The following GSDME variants were observed in gnomAD, a reference collection of about 807,000 sequenced individuals.
The protein encoded by GSDME is gasdermin-E.
GSDME carries 44 observed loss-of-function variants against 47.5 expected under a neutral mutation model. That is an observed-to-expected ratio of 0.93 (90% CI 0.73 to 1.19). GSDME has a LOEUF of 1.19. Among genes scored for constraint, GSDME ranks in the 50% most tolerant of loss-of-function variants. The pLI is 0.00. For synonymous variants in GSDME, 258 were observed against 252.8 expected (o/e 1.02, Z -0.20); for missense variants, 663 against 604.2 (o/e 1.10, Z -1.02).
rs181810957 is a variant in GSDME at position 24,719,383 on chromosome 7, A to T, written c.405-165T>A. Among the ~76,000 whole-genome samples, 13 of 152,146 alleles carry T rather than the reference A, an allele frequency of 8.5e-5. No individual in the cohort carries two copies. The East Asian group carries it at 2.3e-3, about 27-fold the overall frequency. ...TGGCAGGTCACCTGGAAAGACATAA[A>T]CCAAACTCTCTTGAGGCCACCTCAG... is the stretch of plus-strand genomic sequence containing the variant. On this transcript the variant is annotated intron_variant, in intron 3 of 9. Coordinates refer to ENST00000645220, the MANE Select transcript of GSDME (RefSeq NM_001127453.2).
At chr7:24,741,399 T>C (rs1362561502) in intron 3 of GSDME, among the ~76,000 whole-genome samples, 2 of 151,896 alleles carry the variant, frequency 1.3e-5, no homozygotes, top group Non-Finnish European at 2.9e-5. Flanking sequence ...AAAAAAAGTA[T>C]GTGACATATC....
In GSDME at chr7:24,703,022, T is replaced by C. The variant is rs556231624; in HGVS notation, c.1184-189A>G. The C allele has an allele frequency of 7.7e-5, 42 of 546,674 alleles. No homozygotes were observed. In the African/African-American group the frequency reaches 7.9e-4, roughly 10 times the overall value. The allele number at this position is 546,674 out of a possible 1,614,324, so 33.9% of individuals were successfully genotyped here. A position where few individuals can be genotyped will look rare whatever the true frequency, so the allele number is the denominator to read the frequency against. On this transcript the variant is annotated intron_variant, in intron 8 of 9. Transcript: ENST00000645220. ...CAGCAAAGACCTTGTAGAAAACAGATGTAGGAACCCAGCTGCCAGCTCTGC... is the reference window on the plus strand; with the variant it reads ...CAGCAAAGACCTTGTAGAAAACAGACGTAGGAACCCAGCTGCCAGCTCTGC...
chr7:24,718,178 C>A (rs17149990), intron 4 of GSDME, among the ~76,000 whole-genome samples: 21,661 of 152,238 alleles, frequency 0.14, 1,627 homozygotes, highest in Middle Eastern at 0.21. Flanking sequence ...CTCGCTGCTA[C>A]CCAGCCCCAA....
chr7:24,723,501 C>T (rs1584076829), intron 3 of GSDME, among the ~76,000 whole-genome samples: 1 of 152,170 alleles, frequency 6.6e-6, no homozygotes, highest in Admixed American at 6.5e-5. Flanking sequence ...ACTGTATAAC[C>T]TTATATATTT....
intron 3 of GSDME, among the ~76,000 whole-genome samples, chr7:24,720,430 A>C (rs1329782102): frequency 3.9e-5 from 6 of 152,182 alleles, no homozygotes; most frequent in African/African-American, 1.4e-4. Context: ...ATGCTGGGTC[A>C]CCCATCCTAG....
At chr7:24,718,817 C>A (rs1789665575) in intron 4 of GSDME, among the ~76,000 whole-genome samples, 1 of 90,872 alleles carries the variant, frequency 1.1e-5, no homozygotes, top group Non-Finnish European at 1.9e-5. Context: ...GAAAGCAGCT[C>A]CCTATATATC....
chr7:24,764,310 C>T, the GSDME span, among the ~76,000 whole-genome samples: 1 of 152,360 alleles, frequency 6.6e-6, no homozygotes, highest in African/African-American at 2.4e-5. The surrounding 1 kb of genome is among the most constrained non-coding windows in gnomAD (Gnocchi z 4.4). Flanking sequence ...AGTAGAGCTT[C>T]TGTCACCTTA....
rs727504956 is a variant in GSDME, at chr7:24,699,101, C to T, written c.1416G>A (p.Lys472=). 1.9e-6 allele frequency: 3 copies of T among 1,614,136 alleles called. No individual in the cohort carries two copies. The South Asian group carries it at 3.3e-5, about 18-fold the overall frequency. The change falls in exon 10 of 10, where the codon AAG becomes AAA. Residue 472 remains lysine, a synonymous_variant. Coordinates refer to ENST00000645220, the MANE Select transcript of GSDME (RefSeq NM_001127453.2). ...GAAGCAGTGGGAAGACTTTAGAGTCCTTCAGAATGACAGCTTTCACAGATG... is the reference window on the plus strand; with the variant it reads ...GAAGCAGTGGGAAGACTTTAGAGTCTTTCAGAATGACAGCTTTCACAGATG... The part of the protein sequence containing the change: ...LKSSVKAVIL[K]DSKVFPLLLC...
the GSDME span, among the ~76,000 whole-genome samples, chr7:24,776,846 T>C: frequency 6.6e-6 from 1 of 151,028 alleles, no homozygotes; most frequent in Non-Finnish European, 1.5e-5. Flanking sequence ...TTCATTTATA[T>C]GTGTGTATAC....
chr7:24,791,477 T>A, the GSDME span, among the ~76,000 whole-genome samples: 2 of 152,224 alleles, frequency 1.3e-5, no homozygotes, highest in African/African-American at 2.4e-5. This position sits in a 1 kb window ranked among gnomAD's most constrained non-coding sequence, Gnocchi z 4.8. Context: ...GCCACTGTTT[T>A]GGCAAGGGCT....
intron 3 of GSDME, among the ~76,000 whole-genome samples, chr7:24,727,723 TAC>T (rs906994028): frequency 2.0e-5 from 3 of 152,214 alleles, no homozygotes. Flanking sequence ...TCCTCCAGTC[TAC>T]AGAGATGGCA....
chr7:24,701,175 C>T (rs575126906), intron 9 of GSDME, among the ~76,000 whole-genome samples: 13 of 152,182 alleles, frequency 8.5e-5, no homozygotes, highest in Non-Finnish European at 1.6e-4. Context: ...ACATGACGCT[C>T]AAATTCCTTC....
chr7:24,717,055 C>T, intron 5 of GSDME, 199 bp downstream of exon 5: 1 of 623,964 alleles, frequency 1.6e-6, no homozygotes, highest in East Asian at 2.9e-5. Context: ...TTGCTCCAGG[C>T]ATCCCTCACC....
chr7:24,788,087 C>G, the GSDME span, among the ~76,000 whole-genome samples: 1 of 152,214 alleles, frequency 6.6e-6, no homozygotes, highest in Non-Finnish European at 1.5e-5. The surrounding 1 kb of genome is among the most constrained non-coding windows in gnomAD (Gnocchi z 4.6). Flanking sequence ...AAATTCTACC[C>G]TCTCCAAGGC....
chr7:24,765,957 T>C, the GSDME span, among the ~76,000 whole-genome samples: 2 of 152,330 alleles, frequency 1.3e-5, no homozygotes, highest in Admixed American at 6.5e-5. Flanking sequence ...CTGAGTTCCA[T>C]GCCCTAACTT....
intron 3 of GSDME, among the ~76,000 whole-genome samples, chr7:24,729,304 C>A (rs1790067188): frequency 6.6e-6 from 1 of 152,224 alleles, no homozygotes. Flanking sequence ...GTTTTAAATC[C>A]TGAATCTAGG....
intron 3 of GSDME, among the ~76,000 whole-genome samples, chr7:24,729,930 C>T (rs1250043035): frequency 6.6e-6 from 1 of 152,130 alleles, no homozygotes; most frequent in Non-Finnish European, 1.5e-5. Context: ...TGGAGGCCTG[C>T]ACCATTTCCC....
At position 24,708,232 on chromosome 7, in the gene GSDME, A is replaced by T. The variant is rs140525478; in HGVS notation, c.885T>A (p.Asn295Lys). 1 of 1,614,064 alleles carries T rather than the reference A, an allele frequency of 6.2e-7. No individual in the cohort carries two copies. Among genetic ancestry groups the T allele is most frequent in the African/African-American group, 1.3e-5 (1 of 74,932 alleles). The part of the protein sequence containing the change: ...LKQATLLLER[N>K]FHPFAELPEP... ...CAGGCAGCTCCGCAAATGGATGGAA[A>T]TTCCTCTCCAGGAGCAGGGTCGCTG... Residue 295 changes from asparagine (N) to lysine (K), a missense_variant, in exon 7 of 10, where the codon AAT (asparagine) becomes AAA (lysine). Coordinates refer to ENST00000645220, the MANE Select transcript of GSDME (RefSeq NM_001127453.2).
intron 5 of GSDME, chr7:24,715,721 C>T (rs1409306877): frequency 3.1e-6 from 1 of 317,504 alleles, no homozygotes; most frequent in Non-Finnish European, 6.5e-6. Flanking sequence ...CGAAAACGCC[C>T]CAGAGGACAC....
Sources: allele counts gnomAD v4.1 joint callset (sites outside exome capture counted in the v4.1 genomes callset), GRCh38; gene constraint gnomAD v4.1.1; non-coding constraint Gnocchi (gnomAD v3.1); transcripts MANE v1.5; gene names NCBI Gene and HGNC (gene_info 2026-07-23, HGNC 2026-07-21).